BIRC2: variants seen among roughly 807,000 people sequenced by gnomAD.
BIRC2 encodes baculoviral IAP repeat-containing protein 2.
A neutral mutation model predicts 60.9 loss-of-function variants in BIRC2; 18 were observed. That is an observed-to-expected ratio of 0.30 (90% CI 0.20 to 0.44). The LOEUF is 0.44. Ranked by LOEUF, BIRC2 falls within the 20% of genes least tolerant of loss-of-function variation. The probability of loss-of-function intolerance (pLI) is 1.00; values close to 1 mark genes in which losing one functional copy is unlikely to be tolerated. For synonymous variants in BIRC2, 282 were observed against 247.7 expected, an observed-to-expected ratio of 1.14 and a Z score of -1.30; for missense variants, 701 against 728.5, an observed-to-expected ratio of 0.96 and a Z score of 0.43.
At chr11:102,362,589 A>G (rs183497765) in intron 3 of BIRC2, among the ~76,000 whole-genome samples, 35 of 152,208 alleles carry the variant, frequency 2.3e-4, no homozygotes, top group African/African-American at 7.2e-4. Flanking sequence ...TTTAAGCACA[A>G]AATAGATTGT....
At chr11:102,353,382 T>G (rs1014714073) in intron 3 of BIRC2, among the ~76,000 whole-genome samples, 10 of 152,158 alleles carry the variant, frequency 6.6e-5, no homozygotes, top group Non-Finnish European at 1.3e-4. Context: ...ACTGCTGGAG[T>G]GCAGTGGCAA....
chr11:102,356,680 A>ATTTT (rs759616402), intron 3 of BIRC2, among the ~76,000 whole-genome samples: 6 of 134,574 alleles, frequency 4.5e-5, no homozygotes, highest in African/African-American at 1.6e-4. Flanking sequence ...ATTATTATTA[A>ATTTT]TTTTTTTTTT....
chr11:102,378,403 A>G lies in BIRC2; in HGVS notation c.*220A>G. The G allele has an allele frequency of 2.4e-6, 1 of 420,796 alleles. No individual in the cohort carries two copies. The highest frequency in any genetic ancestry group is 2.1e-5 in the African/African-American group (1 of 48,776). The allele number at this position is 420,796 out of a possible 1,614,324, so 26.1% of individuals were successfully genotyped here. ...AGGGAAGATTTATGTTTGGTGAACTATATTAGTATGTATGTGTACCTAAGG... is the reference window on the plus strand; with the variant it reads ...AGGGAAGATTTATGTTTGGTGAACTGTATTAGTATGTATGTGTACCTAAGG... On this transcript the variant is annotated 3_prime_UTR_variant, in exon 9 of 9. Coordinates refer to ENST00000227758, the MANE Select transcript of BIRC2 (RefSeq NM_001166.5).
chr11:102,358,249 CAATCCAAAAATCCAA>C (rs1290662088), intron 3 of BIRC2, among the ~76,000 whole-genome samples: 1 of 152,090 alleles, frequency 6.6e-6, no homozygotes, highest in Admixed American at 6.6e-5. Context: ...TGAGTATCCC[CAATCCAAAAATCCAA>C]AATCCAAAAT....
chr11:102,373,331 C>G (rs1029290887), intron 6 of BIRC2, among the ~76,000 whole-genome samples: 1 of 152,142 alleles, frequency 6.6e-6, no homozygotes, highest in East Asian at 1.9e-4. Flanking sequence ...ATGTTTAGTG[C>G]TTCCTTCCGG....
chr11:102,374,814 GC>G (rs1298230698), intron 6 of BIRC2, among the ~76,000 whole-genome samples: 2 of 152,230 alleles, frequency 1.3e-5, no homozygotes, highest in East Asian at 1.9e-4. Context: ...CTAGCAATCA[GC>G]GAGACTCCGT....
At chr11:102,375,650 G>C (rs1418655568) in intron 6 of BIRC2, among the ~76,000 whole-genome samples, 1 of 151,996 alleles carries the variant, frequency 6.6e-6, no homozygotes, top group Non-Finnish European at 1.5e-5. Context: ...CATGGTGGCG[G>C]ATGCCTGTAG....
In BIRC2 at chr11:102,377,679, G is replaced by A; in HGVS notation, c.1550G>A (p.Gly517Glu). The change falls in exon 7 of 9, where the codon GGA becomes GAA. Residue 517 changes from glycine to glutamate, a missense_variant. Gly to Glu is a moderately conservative substitution (Grantham distance 98, BLOSUM62 -2). This residue lies in a region of BIRC2 where 235 missense variants were observed against 208.9 expected (regional missense o/e 1.12). Coordinates refer to ENST00000227758, the MANE Select transcript of BIRC2 (RefSeq NM_001166.5). ...RELIDTILVK[G>E]NAAANIFKNC... The stretch of plus-strand genomic sequence containing the variant: ...CTGATTGATACCATTTTGGTTAAAG[G>A]AAATGCTGCGGCCAACATCTTCAAA... 1 of 1,611,582 alleles carries A rather than the reference G, an allele frequency of 6.2e-7. No homozygotes were observed.
intron 3 of BIRC2, among the ~76,000 whole-genome samples, chr11:102,355,874 G>A (rs538607885): frequency 1.3e-5 from 2 of 152,188 alleles, no homozygotes; most frequent in African/African-American, 4.8e-5. Context: ...TTTTGGTGCT[G>A]TTGTACATGG....
At chr11:102,364,186 C>CAG (rs56992401) in intron 5 of BIRC2, among the ~76,000 whole-genome samples, 2,672 of 99,556 alleles carry the variant, frequency 0.027, 64 homozygotes, top group East Asian at 0.051. Flanking sequence ...CACACACACA[C>CAG]AGAGAGAGAG....
chr11:102,351,762 C>T (rs1051979029), intron 3 of BIRC2, among the ~76,000 whole-genome samples: 3 of 151,202 alleles, frequency 2.0e-5, no homozygotes, highest in Non-Finnish European at 2.9e-5. Context: ...TTTATTATAG[C>T]CTAGAAATAA....
chr11:102,356,765 G>A (rs1358335099), intron 3 of BIRC2, among the ~76,000 whole-genome samples: 1 of 147,032 alleles, frequency 6.8e-6, no homozygotes, highest in Non-Finnish European at 1.5e-5. Flanking sequence ...TGCAACCTCT[G>A]CCTCCTGGGT....
intron 6 of BIRC2, among the ~76,000 whole-genome samples, chr11:102,372,012 T>G (rs1022583454): frequency 5.9e-5 from 9 of 152,246 alleles, no homozygotes; most frequent in African/African-American, 1.7e-4. Flanking sequence ...TCAGTGGTGA[T>G]ATCCCCTTTA....
Position 102,350,119 on chromosome 11 carries a change from A to G in BIRC2, c.265A>G (p.Met89Val). ...GGTCAAATGCTTCTGTTGTGGCCTG[A>G]TGCTGGATAACTGGAAACTAGGAGA... is the stretch of plus-strand genomic sequence containing the variant. Reference protein sequence around the residue: ...DKVKCFCCGLMLDNWKLGDSP... With the variant: ...DKVKCFCCGLVLDNWKLGDSP... The change falls in exon 2 of 9, where the codon ATG becomes GTG. Residue 89 changes from methionine to valine, a missense_variant. Met to Val is a conservative substitution (Grantham distance 21, BLOSUM62 1). This residue lies in a region of BIRC2 where 375 missense variants were observed against 365.9 expected (regional missense o/e 1.02). Transcript: ENST00000227758. The G allele has an allele frequency of 1.2e-6, 2 of 1,614,232 alleles. No homozygotes were observed. The highest frequency in any genetic ancestry group is 1.7e-6 in the Non-Finnish European group (2 of 1,180,040).
At chr11:102,372,620 G>C (rs1293010436) in intron 6 of BIRC2, among the ~76,000 whole-genome samples, 13 of 143,540 alleles carry the variant, frequency 9.1e-5, no homozygotes, top group Non-Finnish European at 1.5e-4. Flanking sequence ...GTGTGGTGTG[G>C]TGCTGAAAAA....
At chr11:102,356,093 T>C (rs149940010) in intron 3 of BIRC2, among the ~76,000 whole-genome samples, 16 of 152,312 alleles carry the variant, frequency 1.1e-4, no homozygotes, top group African/African-American at 3.8e-4. Context: ...TTTCTTTTTC[T>C]TGCTTAATTG....
chr11:102,372,078 C>G (rs1951638630), intron 6 of BIRC2, among the ~76,000 whole-genome samples: 1 of 152,148 alleles, frequency 6.6e-6, no homozygotes, highest in South Asian at 2.1e-4. Flanking sequence ...ATTAGTCTTG[C>G]TAGCGGTCTA....
chr11:102,376,005 G>A (rs942311141), intron 6 of BIRC2, among the ~76,000 whole-genome samples: 10 of 151,820 alleles, frequency 6.6e-5, no homozygotes, highest in African/African-American at 2.2e-4. Flanking sequence ...TTGGGAAGTG[G>A]GAGGGACTTG....
intron 5 of BIRC2, 115 bp downstream of exon 5, chr11:102,363,831 C>T: frequency 1.4e-6 from 1 of 710,946 alleles, no homozygotes; most frequent in Admixed American, 2.6e-5. Flanking sequence ...CCGAGGTTGA[C>T]AGATCACCTG....
Sources: gnomAD v4.1 joint callset for allele counts (sites outside exome capture counted in the v4.1 genomes callset) on GRCh38, gnomAD v4.1.1 for gene constraint, gnomAD v4.1.1 regional missense constraint, MANE v1.5 for transcripts, NCBI Gene and HGNC (gene_info 2026-07-23, HGNC 2026-07-21) for gene names.